Variants in SNCAIP observed in about 807,000 individuals in gnomAD.
The protein encoded by SNCAIP is synuclein alpha interacting protein.
In SNCAIP, 43 loss-of-function variants were observed where a neutral mutation model predicts 86.7. The ratio of observed to expected loss-of-function variants is 0.50; its 90% CI spans 0.39 to 0.64. The LOEUF is 0.64. Ranked by LOEUF, SNCAIP falls within the 30% of genes least tolerant of loss-of-function variation. The pLI is 0.00. For synonymous variants in SNCAIP, 417 were observed against 427.2 expected (o/e 0.98, Z 0.29); for missense variants, 981 against 1,103.1 (o/e 0.89, Z 1.57).
chr5:122,433,690 A>G (rs1778850814), intron 6 of SNCAIP, among the ~76,000 whole-genome samples: 1 of 152,168 alleles, frequency 6.6e-6, no homozygotes. Context: ...ACTAGTCCCC[A>G]TCCACAGTGT....
intron 1 of SNCAIP, among the ~76,000 whole-genome samples, chr5:122,344,660 G>A (rs76523114): frequency 9.3e-4 from 142 of 152,320 alleles, no homozygotes; most frequent in African/African-American, 3.4e-3. Flanking sequence ...TCACTGGAAG[G>A]TAAGGAGGGT....
At chr5:122,439,365 T>C (rs1021422505) in intron 6 of SNCAIP, among the ~76,000 whole-genome samples, 3 of 152,182 alleles carry the variant, frequency 2.0e-5, no homozygotes, top group Non-Finnish European at 4.4e-5. Flanking sequence ...CTGGGATGCC[T>C]TCTTAGAAGG....
chr5:122,362,536 G>A (rs1422958875), intron 1 of SNCAIP, among the ~76,000 whole-genome samples: 1 of 152,204 alleles, frequency 6.6e-6, no homozygotes, highest in Non-Finnish European at 1.5e-5. Flanking sequence ...GAGAATTGTA[G>A]TGGATAAGAA....
chr5:122,448,093 AGATTTAGCCAGCT>A (rs1419971645), intron 8 of SNCAIP, among the ~76,000 whole-genome samples: 2 of 152,214 alleles, frequency 1.3e-5, no homozygotes, highest in Admixed American at 6.5e-5. Context: ...TCACATAATT[AGATTTAGCCAGCT>A]AATCGTTGCT....
chr5:122,341,903 C>G (rs1302692463), intron 1 of SNCAIP, among the ~76,000 whole-genome samples: 1 of 152,102 alleles, frequency 6.6e-6, no homozygotes, highest in Non-Finnish European at 1.5e-5. Flanking sequence ...TCTCACAAAT[C>G]CACTTCTTGA....
intron 3 of SNCAIP, among the ~76,000 whole-genome samples, chr5:122,408,760 C>T (rs1773529155): frequency 1.3e-5 from 2 of 152,176 alleles, no homozygotes; most frequent in African/African-American, 2.4e-5. Context: ...TGGAGATGCA[C>T]AGGTGCTATT....
chr5:122,444,113 C>T (rs1463298367), intron 7 of SNCAIP: 1 of 457,522 alleles, frequency 2.2e-6, no homozygotes, highest in Non-Finnish European at 4.4e-6. Flanking sequence ...CAGGTTGGCG[C>T]AGCAACAAAT....
rs766152761 is a variant in SNCAIP at position 122,425,505 on chromosome 5, T to C, written c.1156T>C (p.Leu386=). 12 of 1,614,118 alleles carry C rather than the reference T, an allele frequency of 7.4e-6. No individual in the cohort carries two copies. The East Asian group carries it at 1.8e-4, about 24-fold the overall frequency. ...DCLNERNTEK[L]TPAGLAIKNG... ...CCTCAATGAGCGCAACACTGAGAAG[T>C]TGACTCCAGCAGGCCTGGCCATTAA... The change falls in exon 5 of 11, where the codon TTG becomes CTG. Residue 386 remains leucine (L), a synonymous_variant. Transcript: ENST00000261368.
At chr5:122,408,634 T>G (rs1459685044) in intron 3 of SNCAIP, among the ~76,000 whole-genome samples, 1 of 152,196 alleles carries the variant, frequency 6.6e-6, no homozygotes, top group African/African-American at 2.4e-5. Flanking sequence ...TGTTTCAAAT[T>G]TTTGTGAGAA....
At chr5:122,408,900 A>C (rs111759093) in intron 3 of SNCAIP, among the ~76,000 whole-genome samples, 3 of 152,344 alleles carry the variant, frequency 2.0e-5, no homozygotes, top group African/African-American at 7.2e-5. Context: ...ATTGATGAGG[A>C]AACTGAGGCT....
At chr5:122,446,650 C>T (rs1267967288) in intron 8 of SNCAIP, among the ~76,000 whole-genome samples, 1 of 152,152 alleles carries the variant, frequency 6.6e-6, no homozygotes, top group African/African-American at 2.4e-5. Context: ...TAGTCTTTTA[C>T]CTACTGTATA....
intron 3 of SNCAIP, among the ~76,000 whole-genome samples, chr5:122,418,963 T>C (rs1291316778): frequency 1.3e-5 from 2 of 151,842 alleles, no homozygotes; most frequent in Non-Finnish European, 2.9e-5. Context: ...GCCAGTTTAG[T>C]GATGATGAAG....
intron 2 of SNCAIP, among the ~76,000 whole-genome samples, chr5:122,394,436 C>T (rs148269728): frequency 4.3e-4 from 66 of 152,306 alleles, no homozygotes; most frequent in African/African-American, 1.0e-3. Context: ...TAGAAAATAA[C>T]GCACATCCTT....
At chr5:122,387,190 G>T (rs552869337) in intron 1 of SNCAIP, among the ~76,000 whole-genome samples, 3 of 152,060 alleles carry the variant, frequency 2.0e-5, no homozygotes, top group African/African-American at 4.8e-5. Flanking sequence ...ACGGAGTCTC[G>T]TTCTGTCACC....
intron 3 of SNCAIP, among the ~76,000 whole-genome samples, chr5:122,422,399 C>T (rs1325573069): frequency 6.6e-6 from 1 of 152,148 alleles, no homozygotes; most frequent in South Asian, 2.1e-4. Context: ...TTTCATGGGA[C>T]TTCTTGTGCA....
At chr5:122,336,736 G>A (rs1166678083) in intron 1 of SNCAIP, 1 of 152,348 alleles carries the variant, frequency 6.6e-6, no homozygotes, top group Non-Finnish European at 1.5e-5. Flanking sequence ...AAGCAACTAG[G>A]ACCCCAGGTG....
intron 3 of SNCAIP, among the ~76,000 whole-genome samples, chr5:122,415,423 C>G (rs1205698486): frequency 6.6e-6 from 1 of 152,174 alleles, no homozygotes; most frequent in African/African-American, 2.4e-5. Flanking sequence ...TAAGTTTTAG[C>G]AACAATAAAA....
chr5:122,350,672 A>T (rs541655082), intron 1 of SNCAIP, among the ~76,000 whole-genome samples: 1 of 152,188 alleles, frequency 6.6e-6, no homozygotes, highest in Non-Finnish European at 1.5e-5. Context: ...TTTTGTGCTT[A>T]TATGGGCATG....
At chr5:122,336,873 G>C (rs1756576467) in intron 1 of SNCAIP, 1 of 152,386 alleles carries the variant, frequency 6.6e-6, no homozygotes, top group Admixed American at 6.5e-5. Flanking sequence ...AAAGTGCTGG[G>C]ATTACAGGTG....
Sources: gnomAD v4.1 joint callset for allele counts (sites outside exome capture counted in the v4.1 genomes callset) on GRCh38, gnomAD v4.1.1 for gene constraint, MANE v1.5 for transcripts, NCBI Gene and HGNC (gene_info 2026-07-23, HGNC 2026-07-21) for gene names.